The following DTNA variants were observed in gnomAD, a reference collection of about 807,000 sequenced individuals.
DTNA encodes dystrobrevin alpha, also known as dystrophin-related protein 3.
In DTNA, 43 loss-of-function variants were observed where a neutral mutation model predicts 100.7. The ratio of observed to expected loss-of-function variants is 0.43; its 90% CI spans 0.33 to 0.55. The LOEUF is 0.55. Among genes scored for constraint, DTNA ranks in the 20% least tolerant of loss-of-function variants. DTNA has a pLI of 0.04. For synonymous variants in DTNA, 349 were observed against 347.9 expected, an observed-to-expected ratio of 1.00 and a Z score of -0.04; for missense variants, 798 against 953.9, an observed-to-expected ratio of 0.84 and a Z score of 2.15.
At chr18:34,641,982 C>A (rs567446501) in intron 1 of DTNA, among the ~76,000 whole-genome samples, 5 of 152,286 alleles carry the variant, frequency 3.3e-5, no homozygotes, top group South Asian at 2.1e-4. Flanking sequence ...GCATTAATAT[C>A]CTTCCCAGCA....
chr18:34,870,806 C>T (rs890313250), intron 17 of DTNA, among the ~76,000 whole-genome samples: 3 of 152,168 alleles, frequency 2.0e-5, no homozygotes, highest in African/African-American at 7.2e-5. Flanking sequence ...CTGCTCTTCT[C>T]TTCTCCCCAC....
chr18:34,781,533 C>T (rs1180106378), intron 3 of DTNA, among the ~76,000 whole-genome samples: 2 of 152,014 alleles, frequency 1.3e-5, no homozygotes, highest in Non-Finnish European at 2.9e-5. Flanking sequence ...TCCTCATGTT[C>T]TTTATACTAT....
intron 2 of DTNA, among the ~76,000 whole-genome samples, chr18:34,760,589 A>G (rs1201173531): frequency 6.6e-6 from 1 of 152,172 alleles, no homozygotes; most frequent in Non-Finnish European, 1.5e-5. Context: ...TTGTCACTCC[A>G]CTAATAGTGC....
chr18:34,584,211 A>G (rs2048907679), intron 1 of DTNA, among the ~76,000 whole-genome samples: 1 of 152,108 alleles, frequency 6.6e-6, no homozygotes, highest in South Asian at 2.1e-4. Flanking sequence ...TAATGGTTTT[A>G]TGGTAATGTC....
At chr18:34,529,945 A>G (rs1175568004) in intron 1 of DTNA, among the ~76,000 whole-genome samples, 1 of 152,138 alleles carries the variant, frequency 6.6e-6, no homozygotes, top group African/African-American at 2.4e-5. Flanking sequence ...GTCATAAAAT[A>G]TTTTTTAATA....
At chr18:34,564,423 C>T (rs559238461) in intron 1 of DTNA, among the ~76,000 whole-genome samples, 4 of 152,296 alleles carry the variant, frequency 2.6e-5, no homozygotes, top group East Asian at 3.9e-4. Flanking sequence ...GGATTACAGG[C>T]GTGAGCCACA....
intron 1 of DTNA, among the ~76,000 whole-genome samples, chr18:34,639,775 T>C (rs994263454): frequency 3.9e-5 from 6 of 152,200 alleles, no homozygotes; most frequent in African/African-American, 1.4e-4. Flanking sequence ...TTTGTTTATT[T>C]CTTTATTTTC....
At chr18:34,594,319 A>G (rs1442465687) in intron 1 of DTNA, among the ~76,000 whole-genome samples, 2 of 152,190 alleles carry the variant, frequency 1.3e-5, no homozygotes, top group African/African-American at 2.4e-5. Flanking sequence ...TGTTTTGCCC[A>G]TGTATAGGTT....
chr18:34,767,475 T>C (rs1364474402), intron 3 of DTNA: 2 of 152,374 alleles, frequency 1.3e-5, no homozygotes, highest in Admixed American at 6.5e-5. Flanking sequence ...CTTATTTTCA[T>C]TTTCTGTGGC....
At chr18:34,727,082 C>T (rs74369151) in intron 1 of DTNA, among the ~76,000 whole-genome samples, 180 of 152,290 alleles carry the variant, frequency 1.2e-3, no homozygotes, top group Non-Finnish European at 1.9e-3. Flanking sequence ...CTCTCAGAAG[C>T]GGCAGCCTGA....
At chr18:34,587,921 G>T (rs909339096) in intron 1 of DTNA, among the ~76,000 whole-genome samples, 1 of 152,072 alleles carries the variant, frequency 6.6e-6, no homozygotes, top group Non-Finnish European at 1.5e-5. Flanking sequence ...AAACAGAATG[G>T]CTGGCCACTT....
intron 11 of DTNA, among the ~76,000 whole-genome samples, chr18:34,833,844 G>C (rs1008549829): frequency 6.6e-5 from 10 of 152,204 alleles, no homozygotes; most frequent in Non-Finnish European, 1.2e-4. Flanking sequence ...TTAAAAGGAA[G>C]AATGCATTCT....
intron 1 of DTNA, among the ~76,000 whole-genome samples, chr18:34,612,578 A>G (rs2054438168): frequency 6.6e-6 from 1 of 152,160 alleles, no homozygotes; most frequent in Non-Finnish European, 1.5e-5. Flanking sequence ...ATCTTTCTGG[A>G]AAAAAAGAAA....
chr18:34,572,574 C>T (rs2047695173), intron 1 of DTNA, among the ~76,000 whole-genome samples: 1 of 152,156 alleles, frequency 6.6e-6, no homozygotes. Flanking sequence ...GGGCTTCTAG[C>T]ACCCCGTACT....
intron 11 of DTNA, among the ~76,000 whole-genome samples, chr18:34,830,411 T>G (rs1461752911): frequency 6.6e-6 from 1 of 152,134 alleles, no homozygotes; most frequent in Non-Finnish European, 1.5e-5. Context: ...CTCCTGGCAT[T>G]ATTCACCTAG....
chr18:34,516,357 C>T (rs999115209), intron 1 of DTNA, among the ~76,000 whole-genome samples: 4 of 152,100 alleles, frequency 2.6e-5, no homozygotes, highest in Non-Finnish European at 2.9e-5. Flanking sequence ...AGCAAGATCA[C>T]AGGACCAGGG....
chr18:34,661,556 C>G (rs960216227), intron 1 of DTNA, among the ~76,000 whole-genome samples: 1 of 152,190 alleles, frequency 6.6e-6, no homozygotes, highest in East Asian at 1.9e-4. Context: ...GTTCACATCT[C>G]ACACATAACA....
intron 13 of DTNA, among the ~76,000 whole-genome samples, chr18:34,841,123 A>G (rs4799782): frequency 0.077 from 11,766 of 152,134 alleles, 481 homozygotes; most frequent in Middle Eastern, 0.11. Flanking sequence ...TCCCCCTTTT[A>G]TAGACAAGTA....
chr18:34,830,020 C>T (rs2095965733), intron 11 of DTNA, among the ~76,000 whole-genome samples: 1 of 152,184 alleles, frequency 6.6e-6, no homozygotes, highest in Non-Finnish European at 1.5e-5. Flanking sequence ...TTCTTGCTCT[C>T]TGTGCTTATT....
Sources: gnomAD v4.1 joint callset for allele counts (sites outside exome capture counted in the v4.1 genomes callset) on GRCh38, gnomAD v4.1.1 for gene constraint, MANE v1.5 for transcripts, NCBI Gene and HGNC (gene_info 2026-07-23, HGNC 2026-07-21) for gene names.